Variants in DPF3 observed in about 807,000 individuals in gnomAD.
DPF3 encodes zinc finger protein DPF3.
Under a neutral mutation model 56.8 loss-of-function variants are expected in DPF3, and 18 were observed. That is an observed-to-expected ratio of 0.32 (90% CI 0.22 to 0.47). DPF3 has a LOEUF of 0.47. DPF3 is among the 20% of genes least tolerant of loss of function. The probability of loss-of-function intolerance (pLI) is 1.00; values close to 1 mark genes in which losing one functional copy is unlikely to be tolerated. For synonymous variants in DPF3, 188 were observed against 180.2 expected (o/e 1.04, Z -0.35); for missense variants, 403 against 488.8 (o/e 0.82, Z 1.65).
At chr14:72,792,240 T>C (rs1892468126) in intron 1 of DPF3, among the ~76,000 whole-genome samples, 2 of 151,978 alleles carry the variant, frequency 1.3e-5, no homozygotes, top group South Asian at 4.2e-4. Context: ...GAGGAGACTC[T>C]GAAGGGGAGG....
intron 2 of DPF3, among the ~76,000 whole-genome samples, chr14:72,768,854 A>T (rs969920029): frequency 1.3e-5 from 2 of 152,166 alleles, no homozygotes; most frequent in Non-Finnish European, 1.5e-5. Flanking sequence ...CTTGCAAAAA[A>T]AAGAAAATAT....
intron 1 of DPF3, chr14:72,805,939 T>C (rs2332918): frequency 0.91 from 138,626 of 152,198 alleles, 63,626 homozygotes; most frequent in East Asian, 1. Flanking sequence ...AATGGGGACC[T>C]TCCTCTTGAA....
rs1235499955 is a variant in DPF3 at position 72,771,835 on chromosome 14, G to A, written c.91C>T (p.Leu31=). ...IEHCRSYNSR[L]CAERSVRLPF... is the part of the protein sequence containing the mutation. ...AGACGCACGCTGCGCTCTGCACACA[G>A]CCGTGAGTTGTAACTCCGGCAGTGC... Residue 31 remains leucine, a synonymous_variant, in exon 2 of 11, where the codon CTG becomes TTG. Coordinates refer to ENST00000556509, the MANE Select transcript of DPF3 (RefSeq NM_001280542.3). 14 of 1,613,100 alleles carry A rather than the reference G, an allele frequency of 8.7e-6. 1 individual carries two copies. In the East Asian group the frequency reaches 2.9e-4, roughly 33 times the overall value.
At chr14:72,638,685 C>T (rs1264036387) in intron 8 of DPF3, among the ~76,000 whole-genome samples, 1 of 152,166 alleles carries the variant, frequency 6.6e-6, no homozygotes, top group East Asian at 1.9e-4. Flanking sequence ...AAAAATATTC[C>T]ACAGAGTTGT....
chr14:72,885,551 ACAC>A (rs909673911), intron 1 of DPF3, among the ~76,000 whole-genome samples: 1 of 151,626 alleles, frequency 6.6e-6, no homozygotes, highest in Non-Finnish European at 1.5e-5. Flanking sequence ...CCACAGGTGT[ACAC>A]CACCACACCC....
Position 72,714,454 on chromosome 14 carries a change from C to T in DPF3, c.573G>A (p.Gln191=). ...GGRRRHDAAS[Q]EDHDKPYVCD... is the part of the protein sequence containing the mutation. ...AGACGTAAGGTTTGTCGTGGTCTTC[C>T]TGAGAGGCGGCGTCGTGCCTCCTCC... is the stretch of plus-strand genomic sequence containing the variant. Residue 191 remains glutamine, a synonymous_variant, in exon 6 of 11, where the codon CAG becomes CAA. Transcript: ENST00000556509. The T allele has an allele frequency of 6.2e-7, 1 of 1,613,890 alleles. No individual in the cohort carries two copies.
chr14:72,884,953 T>TAC (rs1555516744), intron 1 of DPF3, among the ~76,000 whole-genome samples: 6 of 73,780 alleles, frequency 8.1e-5, no homozygotes, highest in Non-Finnish European at 1.7e-4. Flanking sequence ...TATATATATA[T>TAC]ATATATATAT....
In DPF3 at chr14:72,884,953, T is replaced by TATATATATATATATAC. The variant is rs1555516745; in HGVS notation, c.32+9103_32+9104insGTATATATATATATAT. Among the ~76,000 whole-genome samples, 29 of 73,780 alleles carry TATATATATATATATAC rather than the reference T, an allele frequency of 3.9e-4. 2 individuals are homozygous for TATATATATATATATAC. Among genetic ancestry groups the TATATATATATATATAC allele is most frequent in the East Asian group, 1.4e-3 (2 of 1,392 alleles). 48.4% of individuals were successfully genotyped at this position (73,780 alleles called of 152,430 possible). On this transcript the variant is annotated intron_variant, in intron 1 of 10. Coordinates refer to ENST00000556509, the MANE Select transcript of DPF3 (RefSeq NM_001280542.3). ...CTACTAAAAATACTATATATATATATATATATATATATATATATTAGCCGG... is the reference window on the plus strand; with the variant it reads ...CTACTAAAAATACTATATATATATATATATATATATATATACATATATATATATATATATTAGCCGG...
rs1889285806 is a variant in DPF3 at position 72,723,864 on chromosome 14, T to C, written c.430-136A>G. 3.7e-6 allele frequency: 3 copies of C among 814,308 alleles called. No homozygotes were observed. The South Asian group carries it at 5.3e-5, about 14-fold the overall frequency. 50.4% of individuals were successfully genotyped at this position (814,308 alleles called of 1,614,324 possible). A position where few individuals can be genotyped will look rare whatever the true frequency, so the allele number is the denominator to read the frequency against. On this transcript the variant is annotated intron_variant, in intron 4 of 10. Transcript: ENST00000556509. Reference sequence around the variant, plus strand: ...AAGACGCTGCCTTTGCTTGGGCAGTTGGGCCCTCTGAAATGCTGTCTGGAG... The same window carrying C: ...AAGACGCTGCCTTTGCTTGGGCAGTCGGGCCCTCTGAAATGCTGTCTGGAG...
intron 6 of DPF3, among the ~76,000 whole-genome samples, chr14:72,713,137 T>C (rs1359336524): frequency 2.0e-5 from 3 of 152,232 alleles, no homozygotes; most frequent in Non-Finnish European, 4.4e-5. Context: ...CTCCTGGTGC[T>C]GCCAAAAGGC....
intron 3 of DPF3, among the ~76,000 whole-genome samples, chr14:72,741,186 G>A (rs773363054): frequency 6.6e-6 from 1 of 152,198 alleles, no homozygotes; most frequent in African/African-American, 2.4e-5. Context: ...GAACTGTGTT[G>A]CAGAGACCCA....
chr14:72,791,234 G>A lies in DPF3; in HGVS notation c.33-19341C>T, dbSNP rs151094611. On this transcript the variant is annotated intron_variant, in intron 1 of 10. Transcript: ENST00000556509. ...TACTAAACACTCCTCAGTTTACTTCGTGTGGAGCTGCTGCTTTGCTGGAAC... is the reference window on the plus strand; with the variant it reads ...TACTAAACACTCCTCAGTTTACTTCATGTGGAGCTGCTGCTTTGCTGGAAC... Among the ~76,000 whole-genome samples the A allele has an allele frequency of 5.4e-3, 819 of 152,150 alleles. 5 individuals are homozygous for A. Among genetic ancestry groups the A allele is most frequent in the African/African-American group, 0.019 (798 of 41,508 alleles).
At chr14:72,892,692 A>T (rs1452229563) in intron 1 of DPF3, 1 of 1,021,180 alleles carries the variant, frequency 9.8e-7, no homozygotes, top group Non-Finnish European at 1.2e-6. Flanking sequence ...GCCACGCACC[A>T]GGGAGAATTC....
At chr14:72,690,421 C>T (rs1284707112) in intron 7 of DPF3, among the ~76,000 whole-genome samples, 26 of 152,166 alleles carry the variant, frequency 1.7e-4, no homozygotes, top group Admixed American at 1.7e-3. Flanking sequence ...AAACACCAAG[C>T]ACATGGACGG....
At chr14:72,648,963 C>T (rs1160821660) in intron 8 of DPF3, among the ~76,000 whole-genome samples, 7 of 152,162 alleles carry the variant, frequency 4.6e-5, no homozygotes, top group Non-Finnish European at 8.8e-5. Flanking sequence ...TTTCCACACT[C>T]TCCCCTCTCC....
intron 4 of DPF3, among the ~76,000 whole-genome samples, chr14:72,725,015 C>T (rs1889340887): frequency 6.6e-6 from 1 of 152,070 alleles, no homozygotes; most frequent in Non-Finnish European, 1.5e-5. Flanking sequence ...CCACACCTGG[C>T]CACCTGGGGG....
At chr14:72,846,375 G>A (rs1460038407) in intron 1 of DPF3, among the ~76,000 whole-genome samples, 10 of 121,802 alleles carry the variant, frequency 8.2e-5, no homozygotes, top group South Asian at 2.7e-4. Flanking sequence ...TCACTCTGTC[G>A]CCCAGGCTGG....
chr14:72,890,042 T>C (rs1886690456), intron 1 of DPF3, among the ~76,000 whole-genome samples: 3 of 152,220 alleles, frequency 2.0e-5, no homozygotes, highest in African/African-American at 7.2e-5. Context: ...TATATGTGTA[T>C]AATCAAGTCT....
chr14:72,778,717 A>T (rs1891850127), intron 1 of DPF3, among the ~76,000 whole-genome samples: 1 of 152,208 alleles, frequency 6.6e-6, no homozygotes, highest in African/African-American at 2.4e-5. Flanking sequence ...CAGCAGCTGG[A>T]CATGACTGAG....
Sources: gnomAD v4.1 joint callset for allele counts (sites outside exome capture counted in the v4.1 genomes callset) on GRCh38, gnomAD v4.1.1 for gene constraint, MANE v1.5 for transcripts, NCBI Gene and HGNC (gene_info 2026-07-23, HGNC 2026-07-21) for gene names.